Variants in CHIA observed in about 807,000 individuals in gnomAD.
CHIA encodes the protein acidic mammalian chitinase.
Under a neutral mutation model 53.5 loss-of-function variants are expected in CHIA, and 47 were observed. The observed-to-expected ratio is 0.88, with a 90% CI of 0.70 to 1.12. The LOEUF (loss-of-function observed/expected upper bound fraction) is 1.12, where lower values mean the gene tolerates loss of function less well. Ranked by LOEUF, CHIA falls within the 50% of genes most tolerant of loss-of-function variation. The probability of loss-of-function intolerance (pLI) is 0.00; values close to 1 mark genes in which losing one functional copy is unlikely to be tolerated. For missense variants in CHIA, 652 were observed against 592.2 expected (o/e 1.10, Z -1.05); for synonymous variants, 268 against 222.2 (o/e 1.21, Z -1.83).
At chr1:111,290,991 C>A in intron 1 of CHIA, 41 bp downstream of exon 1, 1 of 378,884 alleles carries the variant, frequency 2.6e-6, no homozygotes, top group Non-Finnish European at 5.2e-6. Context: ...TTCTCCCTTT[C>A]CCATTGCAAT....
At chr1:111,310,532 G>C (rs773645997) in intron 2 of CHIA, 40 bp downstream of exon 2, 1 of 1,613,702 alleles carries the variant, frequency 6.2e-7, no homozygotes, top group Admixed American at 1.7e-5. Context: ...ATCTTATCTA[G>C]TTTCTTTTTC....
At chr1:111,317,418 G>T in intron 6 of CHIA, 1 of 356,434 alleles carries the variant, frequency 2.8e-6, no homozygotes, top group East Asian at 5.7e-5. Context: ...TCTGGGACCT[G>T]GGTTTTGGTC....
chr1:111,306,139 T>C (rs1191060326), intron 1 of CHIA, among the ~76,000 whole-genome samples: 1 of 152,216 alleles, frequency 6.6e-6, no homozygotes, highest in East Asian at 1.9e-4. Context: ...ATCATGAAGA[T>C]TTTCATTTTT....
chr1:111,318,228 A>G (rs1172530724), intron 8 of CHIA, 119 bp downstream of exon 8: 1 of 1,120,182 alleles, frequency 8.9e-7, no homozygotes, highest in Non-Finnish European at 1.3e-6. Flanking sequence ...TTAGGCTGCC[A>G]TAATTAATTA....
chr1:111,313,796 C>G (rs922026063), intron 4 of CHIA, among the ~76,000 whole-genome samples: 1 of 151,968 alleles, frequency 6.6e-6, no homozygotes, highest in Non-Finnish European at 1.5e-5. Context: ...ATCTTTAATC[C>G]ATTCTGAGTT....
chr1:111,307,212 C>T (rs1648254538), intron 1 of CHIA, among the ~76,000 whole-genome samples: 1 of 152,022 alleles, frequency 6.6e-6, no homozygotes, highest in Admixed American at 6.6e-5. Context: ...TGTTGTTACA[C>T]ATAAAAAGGA....
Position 111,319,154 on chromosome 1 carries a change from G to A in CHIA, c.950G>A (p.Gly317Glu), listed in dbSNP as rs139812869. Residue 317 changes from glycine (G) to glutamate (E), a missense_variant, in exon 10 of 12, where the codon GGA becomes GAA. By Grantham distance (98) the Gly-to-Glu change is moderately conservative (BLOSUM62 -2). Coordinates refer to ENST00000369740, the MANE Select transcript of CHIA (RefSeq NM_201653.4). ...TTCCTGAAAAATGGAGCCACTCAGG[G>A]ATGGGATGCCCCTCAGGAAGTGCCT... ...CTFLKNGATQGWDAPQEVPYA... is the reference protein window; with the variant it reads ...CTFLKNGATQEWDAPQEVPYA... 2,166 of 1,612,148 alleles carry A rather than the reference G, an allele frequency of 1.3e-3. 24 individuals carry two copies. The African/African-American group carries it at 0.023, about 17-fold the overall frequency.
chr1:111,320,153 A>T (rs1649536402), intron 11 of CHIA, 60 bp from the exon 12 acceptor site: 8 of 1,510,952 alleles, frequency 5.3e-6, no homozygotes, highest in Non-Finnish European at 7.3e-6. Context: ...CTTCACCTCT[A>T]GGTGAAGCTT....
intron 1 of CHIA, among the ~76,000 whole-genome samples, chr1:111,301,526 C>T (rs1262233217): frequency 4.0e-5 from 6 of 151,758 alleles, no homozygotes; most frequent in Middle Eastern, 3.4e-3. Flanking sequence ...AGTGAAACCC[C>T]GTCTCTACTT....
intron 3 of CHIA, among the ~76,000 whole-genome samples, 161 bp downstream of exon 3, chr1:111,311,879 A>G (rs1469003857): frequency 6.6e-6 from 1 of 152,092 alleles, no homozygotes; most frequent in Non-Finnish European, 1.5e-5. Flanking sequence ...CAGCATGACC[A>G]TCTGAATTAT....
chr1:111,294,633 A>C (rs1661231763), intron 1 of CHIA, among the ~76,000 whole-genome samples: 1 of 152,248 alleles, frequency 6.6e-6, no homozygotes, highest in Admixed American at 6.5e-5. Context: ...TCTTAGAAGA[A>C]AAGCTTTCAG....
intron 6 of CHIA, 133 bp downstream of exon 6, chr1:111,315,568 T>C: frequency 1.1e-6 from 1 of 945,306 alleles, no homozygotes. Flanking sequence ...AAGAGTCTTA[T>C]ATATCGTGCG....
intron 9 of CHIA, 56 bp downstream of exon 9, chr1:111,318,734 CT>C: frequency 6.6e-7 from 1 of 1,521,758 alleles, no homozygotes; most frequent in Non-Finnish European, 8.9e-7. Flanking sequence ...TGCCTTAGGG[CT>C]AGAATCTGCT....
At chr1:111,310,522 A>T in intron 2 of CHIA, 30 bp downstream of exon 2, 4 of 1,614,054 alleles carry the variant, frequency 2.5e-6, no homozygotes, top group Non-Finnish European at 3.4e-6. Flanking sequence ...TTGACCCTTC[A>T]TCTTATCTAG....
At chr1:111,297,953 G>A (rs1455369950) in intron 1 of CHIA, among the ~76,000 whole-genome samples, 1 of 141,732 alleles carries the variant, frequency 7.1e-6, no homozygotes, top group African/African-American at 2.6e-5. Context: ...CCTAGTCTCT[G>A]ATGAAACAGA....
chr1:111,294,436 T>C (rs965808162), intron 1 of CHIA, among the ~76,000 whole-genome samples: 6 of 152,256 alleles, frequency 3.9e-5, no homozygotes, highest in African/African-American at 1.4e-4. Flanking sequence ...ATTCATTTTT[T>C]AGCTCTGACA....
rs1264669063 is a variant in CHIA at position 111,317,670 on chromosome 1, T to C, written c.481-11T>C. 1 of 1,614,046 alleles carries C rather than the reference T, an allele frequency of 6.2e-7. No homozygotes were observed. Among genetic ancestry groups the C allele is most frequent in the Non-Finnish European group, 8.5e-7 (1 of 1,179,990 alleles). ...ATCATAGATGTCCTATTATGCCTTATTATTCTGTAGGAAATGCGTGAAGCT... is the reference window on the plus strand; with the variant it reads ...ATCATAGATGTCCTATTATGCCTTACTATTCTGTAGGAAATGCGTGAAGCT... On this transcript the variant is annotated splice_polypyrimidine_tract_variant and intron_variant, in intron 6 of 11. Coordinates refer to ENST00000369740, the MANE Select transcript of CHIA (RefSeq NM_201653.4).
chr1:111,299,265 G>A (rs1449238990), intron 1 of CHIA, among the ~76,000 whole-genome samples: 2 of 152,088 alleles, frequency 1.3e-5, no homozygotes, highest in South Asian at 4.1e-4. Context: ...TGATACCAAA[G>A]CCTGGCAGAC....
intron 4 of CHIA, among the ~76,000 whole-genome samples, 192 bp from the exon 5 acceptor site, chr1:111,314,348 G>A (rs932383756): frequency 6.6e-6 from 1 of 152,086 alleles, no homozygotes; most frequent in Non-Finnish European, 1.5e-5. Flanking sequence ...TTTCCCTAGG[G>A]AACCCTGAGT....
Sources: allele counts gnomAD v4.1 joint callset (sites outside exome capture counted in the v4.1 genomes callset), GRCh38; gene constraint gnomAD v4.1.1; transcripts MANE v1.5; gene names NCBI Gene and HGNC (gene_info 2026-07-23, HGNC 2026-07-21).